Variants in TMX3 observed in about 807,000 individuals in gnomAD.
TMX3 encodes the protein protein disulfide-isomerase TMX3.
Under a neutral mutation model 64.4 loss-of-function variants are expected in TMX3, and 40 were observed. The ratio of observed to expected loss-of-function variants is 0.62; its 90% CI spans 0.48 to 0.81. The LOEUF is 0.81. TMX3 is among the 30% of genes least tolerant of loss of function. TMX3 has a pLI of 0.00. For synonymous variants in TMX3, 189 were observed against 175.7 expected (o/e 1.08, Z -0.60); for missense variants, 497 against 534.5 (o/e 0.93, Z 0.69).
At chr18:68,698,453 T>C (rs569358115) in intron 6 of TMX3, among the ~76,000 whole-genome samples, 1 of 152,258 alleles carries the variant, frequency 6.6e-6, no homozygotes, top group South Asian at 2.1e-4. Context: ...ATACAGTACT[T>C]CATTAAGAAT....
chr18:68,693,086 GTCC>G (rs1914680666), intron 8 of TMX3, among the ~76,000 whole-genome samples: 1 of 152,198 alleles, frequency 6.6e-6, no homozygotes, highest in Non-Finnish European at 1.5e-5. Context: ...TCAGATTCTA[GTCC>G]ATTTTAATCC....
At chr18:68,682,230 A>G (rs1029805763) in intron 13 of TMX3, among the ~76,000 whole-genome samples, 6 of 152,346 alleles carry the variant, frequency 3.9e-5, no homozygotes, top group Admixed American at 2.0e-4. Flanking sequence ...AGTGTACAAC[A>G]TACAGTAAAT....
At chr18:68,709,848 C>CTACATACTACAT (rs1568205071) in intron 4 of TMX3, among the ~76,000 whole-genome samples, 173 bp downstream of exon 4, 19 of 152,080 alleles carry the variant, frequency 1.2e-4, no homozygotes, top group African/African-American at 4.3e-4. Flanking sequence ...ACACACTACA[C>CTACATACTACAT]GCTACATGTT....
chr18:68,688,799 A>G (rs1914216418), intron 9 of TMX3: 2 of 152,240 alleles, frequency 1.3e-5, no homozygotes, highest in Admixed American at 1.3e-4. Flanking sequence ...TTTGAATTTC[A>G]TTCGAAAATA....
At chr18:68,690,527 CG>C (rs1165386947) in intron 9 of TMX3, among the ~76,000 whole-genome samples, 1 of 151,984 alleles carries the variant, frequency 6.6e-6, no homozygotes, top group Non-Finnish European at 1.5e-5. Flanking sequence ...TTGGAAAACA[CG>C]AAAGTAGGTA....
chr18:68,700,351 A>G, intron 6 of TMX3, 54 bp downstream of exon 6: 1 of 1,206,512 alleles, frequency 8.3e-7, no homozygotes, highest in Non-Finnish European at 1.2e-6. Context: ...ATTAAAATAT[A>G]TTTAATTTTC....
intron 12 of TMX3, among the ~76,000 whole-genome samples, chr18:68,683,941 T>G (rs1327965294): frequency 1.3e-5 from 2 of 152,202 alleles, no homozygotes; most frequent in Admixed American, 6.5e-5. Flanking sequence ...ATGTATAAAT[T>G]AAACTTTATC....
Position 68,681,138 on chromosome 18 carries a change from T to C in TMX3, c.906-28A>G, listed in dbSNP as rs143340847. The C allele has an allele frequency of 6.7e-5, 101 of 1,512,094 alleles. No homozygotes were observed. In the African/African-American group the frequency reaches 1.3e-3, roughly 20 times the overall value. 93.7% of individuals were successfully genotyped at this position (1,512,094 alleles called of 1,614,324 possible). A position where few individuals can be genotyped will look rare whatever the true frequency, so the allele number is the denominator to read the frequency against. The stretch of plus-strand genomic sequence containing the variant: ...GAAAATATAAAAACAAATCAAAATA[T>C]ACATTAAACACAGCAATAGCAAGTA... On this transcript the variant is annotated intron_variant, in intron 13 of 15. Transcript: ENST00000299608.
chr18:68,680,972 A>C lies in TMX3; in HGVS notation c.1035+9T>G. 1 of 1,569,034 alleles carries C rather than the reference A, an allele frequency of 6.4e-7. No individual in the cohort carries two copies. The highest frequency in any genetic ancestry group is 8.6e-7 in the Non-Finnish European group (1 of 1,159,420). ...CATCATCTCTTTGAAACAGAAGTGA[A>C]CAACTTACTTCTACTGTGCCATCCA... On this transcript the variant is annotated intron_variant, in intron 14 of 15. Transcript: ENST00000299608.
rs778695670 is a variant in TMX3 at position 68,677,019 on chromosome 18, T to C, written c.1279A>G (p.Lys427Glu). 1.2e-6 allele frequency: 2 copies of C among 1,613,738 alleles called. No homozygotes were observed. The highest frequency in any genetic ancestry group is 1.7e-6 in the Non-Finnish European group (2 of 1,179,840). The stretch of plus-strand genomic sequence containing the variant: ...CCACTGCTGGGCTCCTGCTGTTCTT[T>C]GCTCTCTTCTATCTGTTCTTGGTTT... ...NENQEQIEES[K>E]EQQEPSSGGS... The change falls in exon 16 of 16, where the codon AAA becomes GAA. Residue 427 changes from lysine (K) to glutamate (E), a missense_variant. This residue lies in a region of TMX3 where 94 missense variants were observed against 75.8 expected (regional missense o/e 1.24). Coordinates refer to ENST00000299608, the MANE Select transcript of TMX3 (RefSeq NM_019022.5).
intron 8 of TMX3, among the ~76,000 whole-genome samples, chr18:68,691,887 C>T (rs172630): frequency 0.26 from 40,016 of 152,094 alleles, 9,028 homozygotes; most frequent in African/African-American, 0.61. Context: ...GCTGTACTTA[C>T]TTTGAGAGAA....
rs777561664 is a variant in TMX3 at position 68,710,027 on chromosome 18, A to C, written c.259T>G (p.Tyr87Asp). 10 of 1,587,070 alleles carry C rather than the reference A, an allele frequency of 6.3e-6. No homozygotes were observed. The South Asian group carries it at 1.2e-4, about 19-fold the overall frequency. The change falls in exon 4 of 16, where the codon TAT (tyrosine) becomes GAT (aspartate). Residue 87 changes from tyrosine to aspartate, a missense_variant. Tyr to Asp is a radical substitution (Grantham distance 160, BLOSUM62 -3). Around this residue, in one of 3 missense-constraint regions of TMX3, gnomAD observed 360 missense variants for 383.5 expected, o/e 0.94. Transcript: ENST00000299608. Reference sequence around the variant, plus strand: ...AAACTAAGTGAAGGCTTACTAGAATAGGAAGTAGCATCCATCTTTCCAACC... The same window carrying C: ...AAACTAAGTGAAGGCTTACTAGAATCGGAAGTAGCATCCATCTTTCCAACC... ...VKVGKMDATS[Y>D]SSIASEFGVR... is the part of the protein sequence containing the mutation.
intron 9 of TMX3, among the ~76,000 whole-genome samples, chr18:68,689,344 A>G (rs969785072): frequency 1.6e-4 from 25 of 151,906 alleles, no homozygotes; most frequent in South Asian, 2.1e-4. Context: ...CAAAAACCTG[A>G]TATCTGTTTA....
intron 15 of TMX3, among the ~76,000 whole-genome samples, chr18:68,679,075 A>G (rs1196696648): frequency 6.6e-6 from 1 of 152,148 alleles, no homozygotes. Context: ...GTGACTTCCC[A>G]GCACACATCA....
rs528841919 is a variant in TMX3, at chr18:68,686,334, G to T, written c.736+1333C>A. On this transcript the variant is annotated intron_variant, in intron 10 of 15. Transcript: ENST00000299608. ...AGCCACCTGTTTTAATCACCTCAAG[G>T]TCATGCTATTTCCTATGATTACTAT... Among the ~76,000 whole-genome samples the T allele has an allele frequency of 2.6e-5, 4 of 152,258 alleles. No homozygotes were observed. In the South Asian group the frequency reaches 6.2e-4, roughly 24 times the overall value.
intron 9 of TMX3, among the ~76,000 whole-genome samples, chr18:68,690,635 A>C (rs951852637): frequency 6.6e-6 from 1 of 152,250 alleles, no homozygotes; most frequent in Non-Finnish European, 1.5e-5. Context: ...CGTAATATAA[A>C]GCACATGGTG....
At chr18:68,681,510 G>A in intron 13 of TMX3, 1 of 983,820 alleles carries the variant, frequency 1.0e-6, no homozygotes, top group Non-Finnish European at 1.2e-6. Flanking sequence ...CCTACATCTG[G>A]TACTTTAATC....
At chr18:68,679,680 T>G (rs191667684) in intron 14 of TMX3, 149 bp from the exon 15 acceptor site, 2 of 616,802 alleles carry the variant, frequency 3.2e-6, no homozygotes, top group Non-Finnish European at 5.4e-6. Context: ...ATTTACTGTG[T>G]TGTTTTTTGT....
Position 68,673,757 on chromosome 18 carries a change from TGAATTCAACAA to T in TMX3, c.*3165_*3175del, listed in dbSNP as rs541246820. 1 of 152,186 alleles carries T rather than the reference TGAATTCAACAA, an allele frequency of 6.6e-6. No homozygotes were observed. Among genetic ancestry groups the T allele is most frequent in the Non-Finnish European group, 1.5e-5 (1 of 68,028 alleles). The allele number at this position is 152,186 out of a possible 1,614,324, so 9.4% of individuals were successfully genotyped here. ...AATTTGTGCCATAGGCAGAATATCA[TGAATTCAACAA>T]GTTAGTAATGCAGACTTTCAAAAAC... On this transcript the variant is annotated 3_prime_UTR_variant, in exon 16 of 16. Transcript: ENST00000299608.
Sources: allele counts gnomAD v4.1 joint callset (sites outside exome capture counted in the v4.1 genomes callset), GRCh38; gene constraint gnomAD v4.1.1; regional missense constraint gnomAD v4.1.1; transcripts MANE v1.5; gene names NCBI Gene and HGNC (gene_info 2026-07-23, HGNC 2026-07-21).